Variants in PLCXD3 observed in about 807,000 individuals in gnomAD.
PLCXD3 encodes PI-PLC X domain-containing protein 3.
Under a neutral mutation model 25.5 loss-of-function variants are expected in PLCXD3, and 19 were observed. That is an observed-to-expected ratio of 0.75 (90% CI 0.52 to 1.09). The LOEUF is 1.09. Ranked by LOEUF, PLCXD3 falls within the 50% of genes least tolerant of loss-of-function variation. The pLI is 0.00. For synonymous variants in PLCXD3, 174 were observed against 137.6 expected, an observed-to-expected ratio of 1.26 and a Z score of -1.85; for missense variants, 411 against 388.1, an observed-to-expected ratio of 1.06 and a Z score of -0.50.
At chr5:41,322,357 C>G (rs1034596815) in intron 2 of PLCXD3, among the ~76,000 whole-genome samples, 2 of 152,134 alleles carry the variant, frequency 1.3e-5, no homozygotes, top group African/African-American at 4.8e-5. Flanking sequence ...CAGAGAGATG[C>G]AAATCATGTC....
Position 41,471,341 on chromosome 5 carries a change from C to T in PLCXD3, c.103+39083G>A, listed in dbSNP as rs529350142. Among the ~76,000 whole-genome samples the T allele has an allele frequency of 1.2e-4, 18 of 152,258 alleles. No homozygotes were observed. The East Asian group carries it at 2.9e-3, about 25-fold the overall frequency. On this transcript the variant is annotated intron_variant, in intron 1 of 2. Transcript: ENST00000377801. ...GGGTTGGTGCTGCAGAGAGAAAACC[C>T]ATGCACTAGTGATAAAGAGAGTGCA...
chr5:41,439,967 G>T (rs868718098), intron 1 of PLCXD3, among the ~76,000 whole-genome samples: 1 of 152,138 alleles, frequency 6.6e-6, no homozygotes, highest in African/African-American at 2.4e-5. Context: ...TGTTAAATTA[G>T]ATGTCAGTGA....
intron 1 of PLCXD3, among the ~76,000 whole-genome samples, chr5:41,391,079 C>G (rs994261536): frequency 5.9e-5 from 9 of 152,170 alleles, no homozygotes; most frequent in African/African-American, 2.2e-4. Context: ...GCCTGCAAAC[C>G]TCACAACTGA....
At chr5:41,387,791 T>C (rs992583232) in intron 1 of PLCXD3, among the ~76,000 whole-genome samples, 3 of 152,166 alleles carry the variant, frequency 2.0e-5, no homozygotes, top group African/African-American at 7.2e-5. Flanking sequence ...GTTATTATGC[T>C]AAGTATAAGA....
intron 1 of PLCXD3, among the ~76,000 whole-genome samples, chr5:41,416,404 C>A (rs1012390273): frequency 6.6e-6 from 1 of 152,206 alleles, no homozygotes; most frequent in Non-Finnish European, 1.5e-5. Flanking sequence ...AGCTGCCAAA[C>A]CAGAAGGAAG....
intron 1 of PLCXD3, among the ~76,000 whole-genome samples, chr5:41,463,468 A>G (rs931234454): frequency 1.3e-5 from 2 of 151,974 alleles, no homozygotes; most frequent in Non-Finnish European, 2.9e-5. Context: ...ATCTTTTACT[A>G]CCATCACATT....
intron 1 of PLCXD3, among the ~76,000 whole-genome samples, chr5:41,438,957 A>T (rs1273043272): frequency 2.6e-5 from 4 of 152,246 alleles, no homozygotes; most frequent in Non-Finnish European, 5.9e-5. Context: ...AAATACATTT[A>T]TCAAGGTGAA....
chr5:41,445,613 A>G (rs1253264930), intron 1 of PLCXD3, among the ~76,000 whole-genome samples: 1 of 152,198 alleles, frequency 6.6e-6, no homozygotes, highest in Admixed American at 6.5e-5. Context: ...TCTTTGAGGA[A>G]GAGAACAATG....
chr5:41,405,874 C>T (rs759501864), intron 1 of PLCXD3, among the ~76,000 whole-genome samples: 13 of 151,950 alleles, frequency 8.6e-5, no homozygotes, highest in Non-Finnish European at 1.5e-4. Context: ...ATCTTTAACC[C>T]ACTGTAATAA....
chr5:41,307,744 AT>A lies in PLCXD3; in HGVS notation c.*5872del, dbSNP rs1359330371. The stretch of plus-strand genomic sequence containing the variant: ...TCCGTAGATGACCAGTTTTAACCTG[AT>A]AAAAATAATTTGTGGTAAGATGTGA... On this transcript the variant is annotated 3_prime_UTR_variant, in exon 3 of 3. Transcript: ENST00000377801. 1 of 152,170 alleles carries A rather than the reference AT, an allele frequency of 6.6e-6. No individual in the cohort carries two copies. The highest frequency in any genetic ancestry group is 2.4e-5 in the African/African-American group (1 of 41,450). The allele number at this position is 152,170 out of a possible 1,614,324, so 9.4% of individuals were successfully genotyped here.
Position 41,491,449 on chromosome 5 carries a change from T to A in PLCXD3, c.103+18975A>T, listed in dbSNP as rs184161029. Among the ~76,000 whole-genome samples the A allele has an allele frequency of 3.7e-3, 556 of 152,318 alleles. 5 individuals are homozygous for A. The highest frequency in any genetic ancestry group is 0.011 in the African/African-American group (464 of 41,566). On this transcript the variant is annotated intron_variant, in intron 1 of 2. Coordinates refer to ENST00000377801, the MANE Select transcript of PLCXD3 (RefSeq NM_001005473.3). Reference sequence around the variant, plus strand: ...GAGAGTTCTGTAGATGTCTATTAGGTCCACTTGGTGCAGAGCTGAGTTCAA... The same window carrying A: ...GAGAGTTCTGTAGATGTCTATTAGGACCACTTGGTGCAGAGCTGAGTTCAA...
intron 1 of PLCXD3, among the ~76,000 whole-genome samples, chr5:41,390,528 T>C (rs1028313782): frequency 3.3e-5 from 5 of 152,144 alleles, no homozygotes; most frequent in African/African-American, 9.7e-5. Flanking sequence ...AATGTCAGTC[T>C]TTTTAGTATT....
intron 1 of PLCXD3, among the ~76,000 whole-genome samples, chr5:41,470,708 C>T (rs1453742693): frequency 1.3e-5 from 2 of 152,020 alleles, no homozygotes; most frequent in Admixed American, 6.5e-5. Context: ...TCCTTTAATG[C>T]TAGAAGCTAA....
Position 41,381,972 on chromosome 5 carries a change from G to C in PLCXD3, c.666C>G (p.Pro222=), listed in dbSNP as rs748917615. The C allele has an allele frequency of 6.2e-7, 1 of 1,613,404 alleles. No individual in the cohort carries two copies. Among genetic ancestry groups the C allele is most frequent in the Non-Finnish European group, 8.5e-7 (1 of 1,179,686 alleles). The change falls in exon 2 of 3, where the codon CCC becomes CCG. Residue 222 remains proline (P), a synonymous_variant. Transcript: ENST00000377801. ...MPAPWANTTD[P]EKLIQFLQAS... is the part of the protein sequence containing the mutation. ...CTTGAAGAAACTGGATCAGTTTCTCGGGGTCTGTGGTGTTGGCCCAGGGTG... is the reference window on the plus strand; with the variant it reads ...CTTGAAGAAACTGGATCAGTTTCTCCGGGTCTGTGGTGTTGGCCCAGGGTG...
chr5:41,466,070 A>T (rs1248340113), intron 1 of PLCXD3, among the ~76,000 whole-genome samples: 1 of 152,116 alleles, frequency 6.6e-6, no homozygotes, highest in Non-Finnish European at 1.5e-5. Flanking sequence ...AGTGGAAAAA[A>T]GTATTGCTTT....
At chr5:41,438,552 T>C (rs1415031298) in intron 1 of PLCXD3, among the ~76,000 whole-genome samples, 1 of 152,198 alleles carries the variant, frequency 6.6e-6, no homozygotes, top group Non-Finnish European at 1.5e-5. Context: ...GGCTTCAATC[T>C]GTAAGACGGG....
Position 41,309,544 on chromosome 5 carries a change from G to A in PLCXD3, c.*4073C>T, listed in dbSNP as rs915634413. The A allele has an allele frequency of 2.6e-5, 4 of 152,312 alleles. No individual in the cohort carries two copies. The highest frequency in any genetic ancestry group is 5.9e-5 in the Non-Finnish European group (4 of 68,022). The allele number at this position is 152,312 out of a possible 1,614,324, so 9.4% of individuals were successfully genotyped here. A position where few individuals can be genotyped will look rare whatever the true frequency, so the allele number is the denominator to read the frequency against. On this transcript the variant is annotated 3_prime_UTR_variant, in exon 3 of 3. Coordinates refer to ENST00000377801, the MANE Select transcript of PLCXD3 (RefSeq NM_001005473.3). ...TTGAGTGACCAAAGATTAAAAGATT[G>A]TGTCGTTGGATCTGTAAAACTGTGA...
In PLCXD3 at chr5:41,313,492, A is replaced by G; in HGVS notation, c.*125T>C. The G allele has an allele frequency of 9.1e-7, 1 of 1,094,534 alleles. No individual in the cohort carries two copies. Among genetic ancestry groups the G allele is most frequent in the South Asian group, 1.5e-5 (1 of 65,120 alleles). The allele number at this position is 1,094,534 out of a possible 1,614,324, so 67.8% of individuals were successfully genotyped here. On this transcript the variant is annotated 3_prime_UTR_variant, in exon 3 of 3. Transcript: ENST00000377801. ...AAGAAACAGTTTTTCCCCTTTTCCC[A>G]CCCACTACCAGCCCTATTCCCTTCA...
chr5:41,443,650 T>G (rs1747432026), intron 1 of PLCXD3, among the ~76,000 whole-genome samples: 1 of 152,128 alleles, frequency 6.6e-6, no homozygotes. Context: ...GTGCTGACCT[T>G]TTGCAGGAAC....
Sources: allele counts gnomAD v4.1 joint callset (sites outside exome capture counted in the v4.1 genomes callset), GRCh38; gene constraint gnomAD v4.1.1; transcripts MANE v1.5; gene names NCBI Gene and HGNC (gene_info 2026-07-23, HGNC 2026-07-21).